Variants in LARGE1 observed in about 807,000 individuals in gnomAD.
LARGE1 encodes the protein LARGE xylosyl- and glucuronyltransferase 1.
LARGE1 carries 43 observed loss-of-function variants against 87.6 expected under a neutral mutation model. The ratio of observed to expected loss-of-function variants is 0.49; its 90% CI spans 0.38 to 0.63. LARGE1 has a LOEUF of 0.63. LARGE1 is among the 30% of genes least tolerant of loss of function. The pLI, the probability that LARGE1 is intolerant of heterozygous loss-of-function variation, is 0.00. For synonymous variants in LARGE1, 434 were observed against 394.6 expected (o/e 1.10, Z -1.18); for missense variants, 802 against 1,000.2 (o/e 0.80, Z 2.67).
At chr22:33,740,933 G>C (rs902300321) in intron 2 of LARGE1, among the ~76,000 whole-genome samples, 5 of 152,350 alleles carry the variant, frequency 3.3e-5, no homozygotes, top group Admixed American at 3.3e-4. Context: ...ATTTGGGCCT[G>C]AGAGTTTGAG....
chr22:33,352,994 T>A (rs1434082706), intron 9 of LARGE1, among the ~76,000 whole-genome samples: 1 of 152,208 alleles, frequency 6.6e-6, no homozygotes, highest in Non-Finnish European at 1.5e-5. Context: ...GTTCCCAGTA[T>A]AAGCTCTTCC....
At chr22:33,728,022 T>C (rs888373135) in intron 2 of LARGE1, among the ~76,000 whole-genome samples, 15 of 152,080 alleles carry the variant, frequency 9.9e-5, no homozygotes, top group African/African-American at 3.1e-4. Context: ...AGGCCAAGTG[T>C]CCATATAAAC....
chr22:33,650,274 G>T, intron 3 of LARGE1, 93 bp downstream of exon 3: 1 of 1,457,318 alleles, frequency 6.9e-7, no homozygotes, highest in Non-Finnish European at 9.6e-7. Context: ...GCCAGCTCTT[G>T]GCATCTGGCT....
chr22:33,481,364 T>A (rs1256759453), intron 6 of LARGE1, among the ~76,000 whole-genome samples: 1 of 152,118 alleles, frequency 6.6e-6, no homozygotes, highest in East Asian at 1.9e-4. Context: ...CTTATTTGGG[T>A]TTACTTCTTC....
chr22:33,464,793 G>T (rs549713016), intron 6 of LARGE1, among the ~76,000 whole-genome samples: 1 of 151,998 alleles, frequency 6.6e-6, no homozygotes, highest in South Asian at 2.1e-4. Flanking sequence ...AAAATCACTG[G>T]CAGTCACTAA....
chr22:33,699,577 T>C lies in LARGE1; in HGVS notation c.107-48909A>G, dbSNP rs1474034707. Among the ~76,000 whole-genome samples, 3 of 152,166 alleles carry C rather than the reference T, an allele frequency of 2.0e-5. No individual in the cohort carries two copies. The East Asian group carries it at 5.8e-4, about 29-fold the overall frequency. ...GACAGATGCAGGAGATGACACTGAG[T>C]TGAAAAACAGATTCTGAAGAGTGAG... On this transcript the variant is annotated intron_variant, in intron 2 of 14. Coordinates refer to ENST00000397394, the MANE Select transcript of LARGE1 (RefSeq NM_133642.5).
At chr22:33,662,042 T>C (rs1242294757) in intron 2 of LARGE1, among the ~76,000 whole-genome samples, 1 of 44,980 alleles carries the variant, frequency 2.2e-5, no homozygotes, top group Admixed American at 3.6e-4. Flanking sequence ...GGGCCACACA[T>C]AAAAAACACT....
intron 6 of LARGE1, among the ~76,000 whole-genome samples, chr22:33,477,856 T>C (rs557149130): frequency 9.6e-4 from 146 of 152,332 alleles, no homozygotes; most frequent in African/African-American, 3.3e-3. Flanking sequence ...AAAGGATCCC[T>C]GACTGTCGCT....
At chr22:33,737,997 A>G (rs2083720414) in intron 2 of LARGE1, among the ~76,000 whole-genome samples, 1 of 152,212 alleles carries the variant, frequency 6.6e-6, no homozygotes, top group South Asian at 2.1e-4. Flanking sequence ...ACACAAAGCC[A>G]GCAACTAAAA....
chr22:33,207,555 C>G (rs1431522208), intron 11 of LARGE1, among the ~76,000 whole-genome samples: 1 of 152,186 alleles, frequency 6.6e-6, no homozygotes, highest in Non-Finnish European at 1.5e-5. Context: ...GGGAGGAGCA[C>G]TGGCAAGACA....
chr22:33,868,111 T>C (rs1401494221), intron 1 of LARGE1, among the ~76,000 whole-genome samples: 5 of 152,178 alleles, frequency 3.3e-5, no homozygotes, highest in African/African-American at 1.2e-4. Flanking sequence ...AGTGCAAGAA[T>C]TCATACCAGC....
At chr22:33,730,055 GAAC>G (rs2083409652) in intron 2 of LARGE1, among the ~76,000 whole-genome samples, 1 of 151,978 alleles carries the variant, frequency 6.6e-6, no homozygotes, top group South Asian at 2.1e-4. Context: ...GTTAACCCTT[GAAC>G]AACACGGGTT....
chr22:33,344,924 A>C (rs1469255450), intron 9 of LARGE1, among the ~76,000 whole-genome samples: 1 of 152,178 alleles, frequency 6.6e-6, no homozygotes, highest in African/African-American at 2.4e-5. Flanking sequence ...TGGTGTAGGC[A>C]TTTATTGACA....
At chr22:33,463,738 C>A (rs1366239444) in intron 6 of LARGE1, among the ~76,000 whole-genome samples, 1 of 152,088 alleles carries the variant, frequency 6.6e-6, no homozygotes. Flanking sequence ...CGTGGCGCAA[C>A]CTCGGCTCAC....
At chr22:33,506,623 T>C (rs141632516) in intron 6 of LARGE1, among the ~76,000 whole-genome samples, 19 of 152,232 alleles carry the variant, frequency 1.2e-4, no homozygotes, top group Non-Finnish European at 2.2e-4. Context: ...AGAACTGGCC[T>C]GGGGCAGTGG....
intron 13 of LARGE1, among the ~76,000 whole-genome samples, chr22:33,282,606 C>T (rs188015379): frequency 5.1e-4 from 78 of 152,158 alleles, no homozygotes; most frequent in Admixed American, 1.0e-3. Flanking sequence ...GACTCGGGGG[C>T]CTGGGAAAAA....
intron 6 of LARGE1, among the ~76,000 whole-genome samples, chr22:33,446,070 C>T (rs769142004): frequency 3.9e-5 from 6 of 152,278 alleles, no homozygotes; most frequent in South Asian, 4.1e-4. Context: ...TGCAGGGAGG[C>T]GGCAGTGGCT....
intron 11 of LARGE1, among the ~76,000 whole-genome samples, chr22:33,175,450 A>C (rs2146148352): frequency 6.6e-6 from 1 of 152,334 alleles, no homozygotes; most frequent in African/African-American, 2.4e-5. Flanking sequence ...AAGCAACTTC[A>C]GCAAAGTCTC....
intron 7 of LARGE1, among the ~76,000 whole-genome samples, chr22:33,421,232 AT>A (rs2066685900): frequency 6.6e-6 from 1 of 151,958 alleles, no homozygotes; most frequent in African/African-American, 2.4e-5. Flanking sequence ...CAATCAATCA[AT>A]CAATCAATCA....
Sources: allele counts gnomAD v4.1 joint callset (sites outside exome capture counted in the v4.1 genomes callset), GRCh38; gene constraint gnomAD v4.1.1; transcripts MANE v1.5; gene names NCBI Gene and HGNC (gene_info 2026-07-23, HGNC 2026-07-21).